Variants in EGLN1 observed in about 807,000 individuals in gnomAD.
EGLN1 encodes the protein egl nine homolog 1.
In EGLN1, 17 loss-of-function variants were observed where a neutral mutation model predicts 38.3. The observed-to-expected ratio is 0.44, with a 90% CI of 0.30 to 0.67. The LOEUF is 0.67. Ranked by LOEUF, EGLN1 falls within the 30% of genes least tolerant of loss-of-function variation. The probability of loss-of-function intolerance (pLI) is 0.08; values close to 1 mark genes in which losing one functional copy is unlikely to be tolerated. For synonymous variants in EGLN1, 283 were observed against 257.5 expected (o/e 1.10, Z -0.95); for missense variants, 477 against 603.3 (o/e 0.79, Z 2.19).
chr1:231,419,224 T>C lies in EGLN1; in HGVS notation c.891+1774A>G, dbSNP rs561437475. On this transcript the variant is annotated intron_variant, in intron 1 of 4. Coordinates refer to ENST00000366641, the MANE Select transcript of EGLN1 (RefSeq NM_022051.3). ...TTACGTGACTTAAAACCCCAACAAC[T>C]AGAACTCTTGAGGAAGGAGGTACCT... Among the ~76,000 whole-genome samples, 9 of 152,240 alleles carry C rather than the reference T, an allele frequency of 5.9e-5. 1 individual carries two copies. Among genetic ancestry groups the C allele is most frequent in the African/African-American group, 2.2e-4 (9 of 41,544 alleles).
intron 1 of EGLN1, among the ~76,000 whole-genome samples, chr1:231,380,103 G>A (rs1688046750): frequency 6.6e-6 from 1 of 152,152 alleles, no homozygotes; most frequent in Non-Finnish European, 1.5e-5. Flanking sequence ...GTAAATTTAG[G>A]AGCCATCTTC....
At chr1:231,383,293 C>G (rs749072257) in intron 1 of EGLN1, among the ~76,000 whole-genome samples, 4 of 152,030 alleles carry the variant, frequency 2.6e-5, no homozygotes, top group Non-Finnish European at 5.9e-5. Context: ...CTCCAAAGAA[C>G]AGCAGTACCT....
At position 231,421,860 on chromosome 1, in the gene EGLN1, C is replaced by T. The variant is rs1656637210; in HGVS notation, c.29G>A (p.Gly10Glu). 1 of 1,485,528 alleles carries T rather than the reference C, an allele frequency of 6.7e-7. No individual in the cohort carries two copies. Among genetic ancestry groups the T allele is most frequent in the Non-Finnish European group, 8.9e-7 (1 of 1,125,246 alleles). 92.0% of individuals were successfully genotyped at this position (1,485,528 alleles called of 1,614,324 possible). A position where few individuals can be genotyped will look rare whatever the true frequency, so the allele number is the denominator to read the frequency against. The change falls in exon 1 of 5, where the codon GGG becomes GAG. Residue 10 changes from glycine (G) to glutamate (E), a missense_variant. Around this residue, in one of 4 missense-constraint regions of EGLN1, gnomAD observed 298 missense variants for 288.9 expected, o/e 1.03. Transcript: ENST00000366641. This position sits in a 1 kb window ranked among gnomAD's most constrained non-coding sequence, Gnocchi z 5.5. MANDSGGPG[G>E]PSPSERDRQY... ...CCGGTCTCGCTCGCTCGGGCTCGGC[C>T]CGCCGGGCCCGCCGCTGTCATTGGC...
At chr1:231,368,664 T>C (rs1687728509) in intron 3 of EGLN1, among the ~76,000 whole-genome samples, 1 of 152,190 alleles carries the variant, frequency 6.6e-6, no homozygotes, top group Non-Finnish European at 1.5e-5. Flanking sequence ...TTCAAATATA[T>C]TGTGGATTGT....
chr1:231,367,738 C>G (rs771486338), intron 3 of EGLN1, 102 bp from the exon 4 acceptor site: 1 of 964,678 alleles, frequency 1.0e-6, no homozygotes, highest in Non-Finnish European at 1.6e-6. Flanking sequence ...AAAATTATGC[C>G]TAAACTGGAA....
intron 1 of EGLN1, among the ~76,000 whole-genome samples, chr1:231,415,741 C>T (rs1299147121): frequency 6.6e-6 from 1 of 152,144 alleles, no homozygotes; most frequent in Non-Finnish European, 1.5e-5. Flanking sequence ...ATTTTATAAA[C>T]GGAGCAACTG....
intron 1 of EGLN1, among the ~76,000 whole-genome samples, chr1:231,400,404 AT>A (rs1688637142): frequency 6.6e-6 from 1 of 152,168 alleles, no homozygotes; most frequent in Non-Finnish European, 1.5e-5. Context: ...CCTGGCATTA[AT>A]GTGATCTTGA....
At chr1:231,411,566 T>C (rs1273628567) in intron 1 of EGLN1, among the ~76,000 whole-genome samples, 1 of 152,222 alleles carries the variant, frequency 6.6e-6, no homozygotes, top group Non-Finnish European at 1.5e-5. Context: ...TACAGCTTCC[T>C]GGGTTCTGGA....
chr1:231,407,135 G>T (rs1688818826), intron 1 of EGLN1, among the ~76,000 whole-genome samples: 1 of 152,138 alleles, frequency 6.6e-6, no homozygotes, highest in African/African-American at 2.4e-5. Flanking sequence ...GGATAAAAAT[G>T]TTTGAATGTG....
rs1477113628 is a variant in EGLN1, at chr1:231,422,011, G to T, written c.-123C>A. On this transcript the variant is annotated 5_prime_UTR_variant, in exon 1 of 5. Coordinates refer to ENST00000366641, the MANE Select transcript of EGLN1 (RefSeq NM_022051.3). ...GGGGCCGTTACTGCGCCATGCACCCGCTACCCTCGCCTCAGGGAGGCCGGC... is the reference window on the plus strand; with the variant it reads ...GGGGCCGTTACTGCGCCATGCACCCTCTACCCTCGCCTCAGGGAGGCCGGC... The T allele has an allele frequency of 9.2e-7, 1 of 1,091,158 alleles. No individual in the cohort carries two copies. 67.6% of individuals were successfully genotyped at this position (1,091,158 alleles called of 1,614,324 possible). A position where few individuals can be genotyped will look rare whatever the true frequency, so the allele number is the denominator to read the frequency against.
At chr1:231,377,545 A>G (rs559437879) in intron 1 of EGLN1, among the ~76,000 whole-genome samples, 1 of 152,352 alleles carries the variant, frequency 6.6e-6, no homozygotes, top group African/African-American at 2.4e-5. Context: ...GAGTCACTGT[A>G]CATGAAAATG....
rs534678673 is a variant in EGLN1 at position 231,400,314 on chromosome 1, T to C, written c.891+20684A>G. On this transcript the variant is annotated intron_variant, in intron 1 of 4. Transcript: ENST00000366641. Reference sequence around the variant, plus strand: ...TGGGAAAATAGTAGGTATATATATATTTTCTCCATGGAATTTTAAGGAGCT... The same window carrying C: ...TGGGAAAATAGTAGGTATATATATACTTTCTCCATGGAATTTTAAGGAGCT... 3.3e-5 allele frequency among the ~76,000 whole-genome samples: 5 copies of C among 152,158 alleles called. No individual in the cohort carries two copies. In the South Asian group the frequency reaches 1.0e-3, roughly 32 times the overall value.
intron 1 of EGLN1, 116 bp downstream of exon 1, chr1:231,420,882 A>G: frequency 6.3e-7 from 1 of 1,597,604 alleles, no homozygotes; most frequent in Non-Finnish European, 8.5e-7. Flanking sequence ...CACAAGAAAG[A>G]GCGAGTCCCT....
intron 1 of EGLN1, among the ~76,000 whole-genome samples, chr1:231,376,913 C>T (rs574711397): frequency 6.6e-6 from 1 of 152,278 alleles, no homozygotes; most frequent in East Asian, 1.9e-4. Flanking sequence ...GCCAGTGTGG[C>T]TGGAACACAG....
intron 1 of EGLN1, among the ~76,000 whole-genome samples, chr1:231,395,014 T>C (rs1000682677): frequency 2.0e-5 from 3 of 152,088 alleles, no homozygotes; most frequent in Non-Finnish European, 2.9e-5. Context: ...ATTCAGGAGG[T>C]CTGGAGTGGG....
chr1:231,412,234 A>G (rs1428153553), intron 1 of EGLN1, among the ~76,000 whole-genome samples: 1 of 152,122 alleles, frequency 6.6e-6, no homozygotes, highest in Non-Finnish European at 1.5e-5. Flanking sequence ...TCACTACTTT[A>G]GGAAGCTATC....
At position 231,421,173 on chromosome 1, in the gene EGLN1, T is replaced by C; in HGVS notation, c.716A>G (p.Gln239Arg). ...CGAGTCACTCTTCTGGCTGACCAGC[T>C]GCCCGTCCGTGAACTTCCCGGTGTC... ...LHDTGKFTDG[Q>R]LVSQKSDSSK... The change falls in exon 1 of 5, where the codon CAG becomes CGG. Residue 239 changes from glutamine (Q) to arginine (R), a missense_variant. Physicochemically the swap from Gln to Arg is conservative, Grantham distance 43. This residue lies in a region of EGLN1 where 119 missense variants were observed against 179.0 expected (regional missense o/e 0.66). Coordinates refer to ENST00000366641, the MANE Select transcript of EGLN1 (RefSeq NM_022051.3). The surrounding 1 kb of genome is among the most constrained non-coding windows in gnomAD (Gnocchi z 5.5). 1 of 1,614,178 alleles carries C rather than the reference T, an allele frequency of 6.2e-7. No homozygotes were observed. Among genetic ancestry groups the C allele is most frequent in the Non-Finnish European group, 8.5e-7 (1 of 1,180,014 alleles).
chr1:231,421,650 G>A lies in EGLN1; in HGVS notation c.239C>T (p.Pro80Leu), dbSNP rs1428127324. The A allele has an allele frequency of 2.7e-6, 4 of 1,456,422 alleles. No homozygotes were observed. The highest frequency in any genetic ancestry group is 2.4e-5 in the Admixed American group (1 of 41,072). 90.2% of individuals were successfully genotyped at this position (1,456,422 alleles called of 1,614,324 possible). The stretch of plus-strand genomic sequence containing the variant: ...GGCCCTGGGCGGCGGCACTGCAGCC[G>A]GCGGCGCGGGGCCGGAATGCTGGTG... ...GPHQHSGPAP[P>L]AAVPPPRAGA... The change falls in exon 1 of 5, where the codon CCG (proline) becomes CTG (leucine). Residue 80 changes from proline to leucine, a missense_variant. Pro to Leu is a moderately conservative substitution (Grantham distance 98, BLOSUM62 -3). This residue lies in a region of EGLN1 where 298 missense variants were observed against 288.9 expected (regional missense o/e 1.03). Coordinates refer to ENST00000366641, the MANE Select transcript of EGLN1 (RefSeq NM_022051.3). The surrounding 1 kb of genome is among the most constrained non-coding windows in gnomAD (Gnocchi z 5.5).
chr1:231,388,598 A>G lies in EGLN1; in HGVS notation c.892-14499T>C, dbSNP rs573130582. Reference sequence around the variant, plus strand: ...ACAATTCCCCTGCCGCAGCCTCCCAAGTAGCTGGGATTACAGGCATGCACC... The same window carrying G: ...ACAATTCCCCTGCCGCAGCCTCCCAGGTAGCTGGGATTACAGGCATGCACC... On this transcript the variant is annotated intron_variant, in intron 1 of 4. Coordinates refer to ENST00000366641, the MANE Select transcript of EGLN1 (RefSeq NM_022051.3). Among the ~76,000 whole-genome samples the G allele has an allele frequency of 5.3e-5, 8 of 151,794 alleles. No homozygotes were observed. In the South Asian group the frequency reaches 1.7e-3, roughly 32 times the overall value.
Sources: allele counts gnomAD v4.1 joint callset (sites outside exome capture counted in the v4.1 genomes callset), GRCh38; gene constraint gnomAD v4.1.1; regional missense constraint gnomAD v4.1.1; non-coding constraint Gnocchi (gnomAD v3.1); transcripts MANE v1.5; gene names NCBI Gene and HGNC (gene_info 2026-07-23, HGNC 2026-07-21).